The following QKI variants were observed in gnomAD, a reference collection of about 807,000 sequenced individuals.
The protein encoded by QKI is QKI, KH domain containing RNA binding, also known as KH domain-containing RNA-binding protein QKI.
Under a neutral mutation model 39.0 loss-of-function variants are expected in QKI, and 10 were observed. That is an observed-to-expected ratio of 0.26 (90% CI 0.16 to 0.43). QKI has a LOEUF of 0.43. Among genes scored for constraint, QKI ranks in the 20% least tolerant of loss-of-function variants. The pLI is 1.00. For missense variants in QKI, 218 were observed against 428.0 expected, an observed-to-expected ratio of 0.51 and a Z score of 4.33; for synonymous variants, 204 against 155.4, an observed-to-expected ratio of 1.31 and a Z score of -2.33.
intron 1 of QKI, among the ~76,000 whole-genome samples, chr6:163,433,684 T>G (rs527294610): frequency 1.4e-4 from 22 of 152,064 alleles, no homozygotes; most frequent in African/African-American, 4.8e-4. Flanking sequence ...GGAGAATCGC[T>G]TGAACCTGGG....
chr6:163,479,162 G>A (rs986174071), intron 3 of QKI, among the ~76,000 whole-genome samples: 7 of 151,796 alleles, frequency 4.6e-5, no homozygotes, highest in African/African-American at 1.7e-4. Flanking sequence ...GGTGGCGGGC[G>A]CCTGTAATCC....
Position 163,421,805 on chromosome 6 carries a change from C to T in QKI, c.142+6470C>T, listed in dbSNP as rs149789689. Reference sequence around the variant, plus strand: ...TGTCACCCAGGCTGGAATGCAGTGGCGTGCTCTCGGCTCACTGCAACCTCT... The same window carrying T: ...TGTCACCCAGGCTGGAATGCAGTGGTGTGCTCTCGGCTCACTGCAACCTCT... On this transcript the variant is annotated intron_variant, in intron 1 of 7. Transcript: ENST00000361752. 4.3e-3 allele frequency among the ~76,000 whole-genome samples: 647 copies of T among 151,412 alleles called. 5 individuals carry two copies. Among genetic ancestry groups the T allele is most frequent in the African/African-American group, 0.015 (600 of 41,182 alleles).
At chr6:163,422,475 C>A (rs1788069729) in intron 1 of QKI, among the ~76,000 whole-genome samples, 1 of 152,102 alleles carries the variant, frequency 6.6e-6, no homozygotes, top group Non-Finnish European at 1.5e-5. Context: ...TGCCTGTAGT[C>A]CCAGCTACTT....
chr6:163,556,959 T>C (rs891464539), intron 4 of QKI, among the ~76,000 whole-genome samples: 6 of 152,224 alleles, frequency 3.9e-5, no homozygotes, highest in Non-Finnish European at 7.3e-5. Flanking sequence ...TCATCTGCCC[T>C]ATGACCCAGC....
chr6:163,433,777 A>G (rs1789025267), intron 1 of QKI, among the ~76,000 whole-genome samples: 1 of 152,132 alleles, frequency 6.6e-6, no homozygotes, highest in Non-Finnish European at 1.5e-5. Flanking sequence ...TAAAAAAAAA[A>G]GAATGAACCA....
At chr6:163,495,063 G>A (rs913571417) in intron 3 of QKI, among the ~76,000 whole-genome samples, 94 of 151,962 alleles carry the variant, frequency 6.2e-4, no homozygotes, top group African/African-American at 2.1e-3. Flanking sequence ...TTATAGGAGC[G>A]TGTCAAAACA....
intron 1 of QKI, among the ~76,000 whole-genome samples, chr6:163,453,681 AAAT>A (rs1294329387): frequency 6.6e-6 from 1 of 152,222 alleles, no homozygotes; most frequent in African/African-American, 2.4e-5. Flanking sequence ...GAACCTTAGG[AAAT>A]AATAAAATTC....
At chr6:163,567,022 C>T in intron 7 of QKI, 1 of 1,209,406 alleles carries the variant, frequency 8.3e-7, no homozygotes, top group Admixed American at 4.2e-5. Context: ...TTATTATGTA[C>T]TATGATTTAT....
intron 4 of QKI, among the ~76,000 whole-genome samples, chr6:163,561,692 C>G (rs1783025808): frequency 1.3e-5 from 2 of 152,088 alleles, no homozygotes. Flanking sequence ...CTCACATTTT[C>G]ATTCATTTCT....
chr6:163,568,739 T>C, intron 7 of QKI: 1 of 985,510 alleles, frequency 1.0e-6, no homozygotes, highest in Non-Finnish European at 1.2e-6. Context: ...TATGAACGTT[T>C]AGAGTACTAC....
At chr6:163,515,541 A>G (rs994893005) in intron 3 of QKI, among the ~76,000 whole-genome samples, 36 of 152,292 alleles carry the variant, frequency 2.4e-4, no homozygotes, top group African/African-American at 8.7e-4. Context: ...GGGGCAGTCA[A>G]AATGATGAAA....
In QKI at chr6:163,466,424, A is replaced by C. The variant is rs114535794; in HGVS notation, c.285+11003A>C. Among the ~76,000 whole-genome samples, 434 of 138,002 alleles carry C rather than the reference A, an allele frequency of 3.1e-3. 2 individuals are homozygous for C. The highest frequency in any genetic ancestry group is 0.011 in the African/African-American group (402 of 35,810). 90.5% of individuals were successfully genotyped at this position (138,002 alleles called of 152,430 possible). A position where few individuals can be genotyped will look rare whatever the true frequency, so the allele number is the denominator to read the frequency against. The stretch of plus-strand genomic sequence containing the variant: ...TCCTAAAATTCACGTGGAACCACAG[A>C]AAGCACCTAATCGCCAAAACAGTCT... On this transcript the variant is annotated intron_variant, in intron 2 of 7. Coordinates refer to ENST00000361752, the MANE Select transcript of QKI (RefSeq NM_006775.3).
At position 163,573,481 on chromosome 6, in the gene QKI, T is replaced by A. The variant is rs1783816950; in HGVS notation, c.*2771T>A. 6.6e-6 allele frequency: 1 copy of A among 152,212 alleles called. No homozygotes were observed. The highest frequency in any genetic ancestry group is 1.5e-5 in the Non-Finnish European group (1 of 68,026). The allele number at this position is 152,212 out of a possible 1,614,324, so 9.4% of individuals were successfully genotyped here. ...ATGTATTTACAGCCATTGTTACAAG[T>A]TTATAATGTATTTTTCTATCTTGTT... On this transcript the variant is annotated 3_prime_UTR_variant, in exon 8 of 8. Coordinates refer to ENST00000361752, the MANE Select transcript of QKI (RefSeq NM_006775.3).
intron 3 of QKI, among the ~76,000 whole-genome samples, chr6:163,490,917 A>G (rs2128228363): frequency 6.6e-6 from 1 of 152,286 alleles, no homozygotes; most frequent in Admixed American, 6.5e-5. Flanking sequence ...TCTACTTTGA[A>G]TTCAAAACAA....
chr6:163,457,388 T>G (rs758479956), intron 2 of QKI: 1 of 455,936 alleles, frequency 2.2e-6, no homozygotes, highest in South Asian at 1.5e-5. Flanking sequence ...CAGTTGTGAC[T>G]TCTTGCCACG....
At position 163,510,993 on chromosome 6, in the gene QKI, T is replaced by C. The variant is rs535026843; in HGVS notation, c.403-23989T>C. Among the ~76,000 whole-genome samples the C allele has an allele frequency of 3.3e-5, 5 of 152,324 alleles. No homozygotes were observed. The East Asian group carries it at 9.6e-4, about 29-fold the overall frequency. On this transcript the variant is annotated intron_variant, in intron 3 of 7. Transcript: ENST00000361752. ...AATTCTCATTCTTTTCACATGCATA[T>C]GGTACATTCACCAAAACAGAGCATG...
intron 1 of QKI, among the ~76,000 whole-genome samples, chr6:163,428,165 A>C (rs1163011727): frequency 6.6e-6 from 1 of 152,240 alleles, no homozygotes; most frequent in Non-Finnish European, 1.5e-5. Flanking sequence ...GAGTATTTTC[A>C]TTGGCATGTG....
intron 1 of QKI, among the ~76,000 whole-genome samples, chr6:163,420,475 T>C (rs1388133995): frequency 6.6e-6 from 1 of 152,166 alleles, no homozygotes; most frequent in Non-Finnish European, 1.5e-5. Context: ...TCAGCTGTTA[T>C]GAACATATCC....
In QKI at chr6:163,454,435, C is replaced by T. The variant is rs533807509; in HGVS notation, c.143-844C>T. On this transcript the variant is annotated intron_variant, in intron 1 of 7. Coordinates refer to ENST00000361752, the MANE Select transcript of QKI (RefSeq NM_006775.3). ...AATCATTAACCCAGTGTAGCTTGAT[C>T]TGTTACCCTCTTTCCCTTGAAACTT... Among the ~76,000 whole-genome samples the T allele has an allele frequency of 3.9e-5, 6 of 152,164 alleles. No individual in the cohort carries two copies. The South Asian group carries it at 1.0e-3, about 26-fold the overall frequency.
Sources: gnomAD v4.1 joint callset for allele counts (sites outside exome capture counted in the v4.1 genomes callset) on GRCh38, gnomAD v4.1.1 for gene constraint, MANE v1.5 for transcripts, NCBI Gene and HGNC (gene_info 2026-07-23, HGNC 2026-07-21) for gene names.